The following USP24 variants were observed in gnomAD, a reference collection of about 807,000 sequenced individuals.
USP24 encodes ubiquitin carboxyl-terminal hydrolase 24.
Under a neutral mutation model 361.6 loss-of-function variants are expected in USP24, and 97 were observed. The ratio of observed to expected loss-of-function variants is 0.27; its 90% CI spans 0.23 to 0.32. USP24 has a LOEUF of 0.32. Ranked by LOEUF, USP24 falls within the 10% of genes least tolerant of loss-of-function variation. The probability of loss-of-function intolerance (pLI) is 1.00; values close to 1 mark genes in which losing one functional copy is unlikely to be tolerated. For synonymous variants in USP24, 1,098 were observed against 1,124.6 expected (o/e 0.98, Z 0.47); for missense variants, 2,353 against 3,165.6 (o/e 0.74, Z 6.16).
rs185326582 is a variant in USP24 at position 55,120,793 on chromosome 1, A to C, written c.4348-37T>G. 23 of 1,525,626 alleles carry C rather than the reference A, an allele frequency of 1.5e-5. No homozygotes were observed. In the African/African-American group the frequency reaches 3.0e-4, roughly 20 times the overall value. 94.5% of individuals were successfully genotyped at this position (1,525,626 alleles called of 1,614,324 possible). ...TGATCAGCAGCAAAGGACAGACATG[A>C]ATCAACATGTTGAGACTGCTTAAAA... On this transcript the variant is annotated intron_variant, in intron 37 of 67. Transcript: ENST00000294383.
chr1:55,152,516 A>T (rs890946179), intron 16 of USP24, among the ~76,000 whole-genome samples: 1 of 152,208 alleles, frequency 6.6e-6, no homozygotes, highest in Non-Finnish European at 1.5e-5. Flanking sequence ...TGAGAAGACA[A>T]GACCATTTTT....
intron 17 of USP24, 86 bp downstream of exon 17, chr1:55,148,377 C>T (rs1354830799): frequency 2.4e-5 from 23 of 956,020 alleles, no homozygotes; most frequent in Non-Finnish European, 3.2e-6. Context: ...AAGATAGTGA[C>T]TATAAACTCA....
intron 28 of USP24, among the ~76,000 whole-genome samples, chr1:55,136,792 G>A (rs1343278622): frequency 6.6e-6 from 1 of 152,128 alleles, no homozygotes; most frequent in Non-Finnish European, 1.5e-5. Context: ...TGGGGAAAAG[G>A]GTATAAGGAG....
intron 3 of USP24, among the ~76,000 whole-genome samples, chr1:55,175,867 T>C (rs1268000987): frequency 6.6e-6 from 1 of 152,220 alleles, no homozygotes; most frequent in East Asian, 1.9e-4. Context: ...CAAATGGAAG[T>C]AGGCATATCA....
Position 55,134,380 on chromosome 1 carries a change from C to T in USP24, c.3235G>A (p.Val1079Ile), listed in dbSNP as rs555962143. ...TAAAGCATGTCAAATACGTTACATA[C>T]GAGAGCCATCACTACACCAGGGAGG... is the stretch of plus-strand genomic sequence containing the variant. ...KSLPGVVMAL[V>I]CNVFDMLYQL... Residue 1079 changes from valine (V) to isoleucine (I), a missense_variant, in exon 29 of 68, where the codon GTA becomes ATA. Coordinates refer to ENST00000294383, the MANE Select transcript of USP24 (RefSeq NM_015306.3). The T allele has an allele frequency of 7.4e-6, 12 of 1,612,652 alleles. No homozygotes were observed. The highest frequency in any genetic ancestry group is 5.3e-5 in the African/African-American group (4 of 74,998).
intron 18 of USP24, 100 bp downstream of exon 18, chr1:55,147,549 T>G (rs1321501534): frequency 3.0e-6 from 4 of 1,313,738 alleles, no homozygotes; most frequent in Non-Finnish European, 4.0e-6. Context: ...TCATACAACC[T>G]CTTTATAGTT....
intron 45 of USP24, among the ~76,000 whole-genome samples, chr1:55,099,054 TA>T (rs1645565934): frequency 6.6e-6 from 1 of 152,252 alleles, no homozygotes; most frequent in Non-Finnish European, 1.5e-5. Flanking sequence ...GCACCACGAA[TA>T]ACTTTTTAAT....
chr1:55,121,422 T>G lies in USP24; in HGVS notation c.4347+14A>C, dbSNP rs770761769. On this transcript the variant is annotated intron_variant, in intron 37 of 67. Transcript: ENST00000294383. ...GACCAAAGGAGTTTTGTAAGTAATG[T>G]GAAAAATCCTTACCTCAGCACTTGG... 22 of 1,609,960 alleles carry G rather than the reference T, an allele frequency of 1.4e-5. No individual in the cohort carries two copies. Among genetic ancestry groups the G allele is most frequent in the Non-Finnish European group, 1.8e-5 (21 of 1,178,274 alleles).
intron 8 of USP24, among the ~76,000 whole-genome samples, chr1:55,161,695 A>G (rs1161623006): frequency 1.3e-5 from 2 of 152,232 alleles, no homozygotes; most frequent in Admixed American, 1.3e-4. Context: ...GGCTTTTAGC[A>G]TTAGAAAACT....
chr1:55,186,973 C>T (rs1299586003), intron 1 of USP24, among the ~76,000 whole-genome samples: 1 of 152,034 alleles, frequency 6.6e-6, no homozygotes, highest in Non-Finnish European at 1.5e-5. Flanking sequence ...GATACACACA[C>T]CAAACCAATA....
At chr1:55,202,670 G>A (rs1158488435) in intron 1 of USP24, among the ~76,000 whole-genome samples, 1 of 152,196 alleles carries the variant, frequency 6.6e-6, no homozygotes, top group African/African-American at 2.4e-5. Context: ...CTCCCAAAGT[G>A]CTGTGATTAC....
intron 1 of USP24, among the ~76,000 whole-genome samples, chr1:55,204,537 C>CA (rs1395631153): frequency 2.0e-5 from 3 of 151,634 alleles, no homozygotes; most frequent in Non-Finnish European, 4.4e-5. Context: ...AATTACATCA[C>CA]AAAAAATCCT....
At chr1:55,079,786 C>T in intron 59 of USP24, 127 bp from the exon 60 acceptor site, 1 of 1,225,762 alleles carries the variant, frequency 8.2e-7, no homozygotes, top group East Asian at 2.8e-5. Flanking sequence ...ACAGAGTACT[C>T]ACACACTGAG....
chr1:55,139,019 T>TAA lies in USP24; in HGVS notation c.2751-11_2751-10dup. ...TTACAAGTTTAGTAGATCTATAGAT[T>TAA]AAAAAAAAAAAGTATTAAAATGTAT... On this transcript the variant is annotated splice_polypyrimidine_tract_variant and intron_variant, in intron 24 of 67. Coordinates refer to ENST00000294383, the MANE Select transcript of USP24 (RefSeq NM_015306.3). 6 of 1,316,508 alleles carry TAA rather than the reference T, an allele frequency of 4.6e-6. No homozygotes were observed. Among genetic ancestry groups the TAA allele is most frequent in the Admixed American group, 2.1e-5 (1 of 48,512 alleles). The allele number at this position is 1,316,508 out of a possible 1,614,324, so 81.6% of individuals were successfully genotyped here. A position where few individuals can be genotyped will look rare whatever the true frequency, so the allele number is the denominator to read the frequency against.
At chr1:55,155,275 T>C (rs1292502902) in intron 12 of USP24, among the ~76,000 whole-genome samples, 5 of 152,218 alleles carry the variant, frequency 3.3e-5, no homozygotes, top group Admixed American at 1.3e-4. Flanking sequence ...TGCAGAGCTA[T>C]AGACCCTATT....
chr1:55,108,175 G>T (rs995848325), intron 39 of USP24, among the ~76,000 whole-genome samples: 1 of 152,174 alleles, frequency 6.6e-6, no homozygotes, highest in East Asian at 1.9e-4. Flanking sequence ...TTCTGCAAAG[G>T]AGAATGAGGT....
Position 55,099,886 on chromosome 1 carries a change from A to T in USP24, c.5272-17T>A, listed in dbSNP as rs536814266. 19 of 1,525,942 alleles carry T rather than the reference A, an allele frequency of 1.2e-5. No homozygotes were observed. In the East Asian group the frequency reaches 1.5e-4, roughly 12 times the overall value. 94.5% of individuals were successfully genotyped at this position (1,525,942 alleles called of 1,614,324 possible). ...CTTGAAAATCTATATAACAAAAATTAAATGTTTTTAAAGGAAAAGTAGCAA... is the reference window on the plus strand; with the variant it reads ...CTTGAAAATCTATATAACAAAAATTTAATGTTTTTAAAGGAAAAGTAGCAA... On this transcript the variant is annotated splice_polypyrimidine_tract_variant and intron_variant, in intron 44 of 67. Coordinates refer to ENST00000294383, the MANE Select transcript of USP24 (RefSeq NM_015306.3).
chr1:55,166,606 A>T lies in USP24; in HGVS notation c.826-3T>A. On this transcript the variant is annotated splice_region_variant and splice_polypyrimidine_tract_variant and intron_variant, in intron 5 of 67. Coordinates refer to ENST00000294383, the MANE Select transcript of USP24 (RefSeq NM_015306.3). ...TCCACAACCCATCCATGAGGCTCCT[A>T]TGAGAAAAGAAAAACAAAATTGAGA... is the stretch of plus-strand genomic sequence containing the variant. 6.3e-7 allele frequency: 1 copy of T among 1,589,604 alleles called. No individual in the cohort carries two copies. The highest frequency in any genetic ancestry group is 8.6e-7 in the Non-Finnish European group (1 of 1,167,460).
chr1:55,195,779 C>A lies in USP24; in HGVS notation c.325-17647G>T, dbSNP rs561444150. ...AAACAGAAAGTAAAGTGGTGGGTGC[C>A]AGGAGCTAGGGGGTAGGGGAAAGGA... On this transcript the variant is annotated intron_variant, in intron 1 of 67. Coordinates refer to ENST00000294383, the MANE Select transcript of USP24 (RefSeq NM_015306.3). Among the ~76,000 whole-genome samples, 6 of 152,146 alleles carry A rather than the reference C, an allele frequency of 3.9e-5. No individual in the cohort carries two copies. In the South Asian group the frequency reaches 1.2e-3, roughly 32 times the overall value.
Sources: gnomAD v4.1 joint callset for allele counts (sites outside exome capture counted in the v4.1 genomes callset) on GRCh38, gnomAD v4.1.1 for gene constraint, MANE v1.5 for transcripts, NCBI Gene and HGNC (gene_info 2026-07-23, HGNC 2026-07-21) for gene names.